SLC25A21: variants seen among roughly 807,000 people sequenced by gnomAD.
The protein encoded by SLC25A21 is solute carrier family 25 member 21.
SLC25A21 carries 47 observed loss-of-function variants against 43.8 expected under a neutral mutation model. The observed-to-expected ratio is 1.07, with a 90% CI of 0.85 to 1.37. SLC25A21 has a LOEUF of 1.37. Among genes scored for constraint, SLC25A21 ranks in the 40% most tolerant of loss-of-function variants. The probability of loss-of-function intolerance (pLI) is 0.00; values close to 1 mark genes in which losing one functional copy is unlikely to be tolerated. For missense variants in SLC25A21, 352 were observed against 350.2 expected, an observed-to-expected ratio of 1.00 and a Z score of -0.04; for synonymous variants, 131 against 121.3, an observed-to-expected ratio of 1.08 and a Z score of -0.52.
chr14:36,962,319 T>G (rs1055307855), intron 1 of SLC25A21, among the ~76,000 whole-genome samples: 1 of 152,166 alleles, frequency 6.6e-6, no homozygotes. Flanking sequence ...AGTTGCTTTT[T>G]TGTGTGAGAC....
intron 1 of SLC25A21, among the ~76,000 whole-genome samples, chr14:36,921,348 T>C (rs143519952): frequency 1.9e-3 from 290 of 152,262 alleles, no homozygotes; most frequent in African/African-American, 6.7e-3. Flanking sequence ...GAGCACTTTG[T>C]ACATAAAAGG....
intron 1 of SLC25A21, among the ~76,000 whole-genome samples, chr14:37,040,359 A>AAGAGAG (rs536517266): frequency 2.5e-5 from 1 of 40,130 alleles, no homozygotes; most frequent in Non-Finnish European, 3.8e-5. Context: ...GAAGGAAAGA[A>AAGAGAG]AGAGAGAGAG....
intron 1 of SLC25A21, among the ~76,000 whole-genome samples, chr14:36,919,778 C>T (rs1367034): frequency 0.11 from 16,245 of 151,940 alleles, 1,514 homozygotes; most frequent in African/African-American, 0.25. Context: ...AAGTTATACA[C>T]TCACTTGATT....
intron 3 of SLC25A21, among the ~76,000 whole-genome samples, chr14:36,752,321 C>A (rs1885739851): frequency 6.6e-6 from 1 of 152,142 alleles, no homozygotes; most frequent in Non-Finnish European, 1.5e-5. Flanking sequence ...GTGCAGCTGC[C>A]ATGGAAAACA....
intron 3 of SLC25A21, among the ~76,000 whole-genome samples, chr14:36,804,780 A>G (rs1447742728): frequency 6.6e-6 from 1 of 152,196 alleles, no homozygotes; most frequent in African/African-American, 2.4e-5. Flanking sequence ...GTTTTTTTCT[A>G]CAATAAGATA....
chr14:36,813,891 A>G lies in SLC25A21; in HGVS notation c.203+27T>C, dbSNP rs141377925. ...AAACATGTTAAGTAGAAACATATTA[A>G]AATGGCTATATGAAGAATATACATA... On this transcript the variant is annotated intron_variant, in intron 3 of 9. Transcript: ENST00000331299. 2.9e-5 allele frequency: 43 copies of G among 1,461,222 alleles called. No individual in the cohort carries two copies. The African/African-American group carries it at 5.6e-4, about 19-fold the overall frequency. The allele number at this position is 1,461,222 out of a possible 1,614,324, so 90.5% of individuals were successfully genotyped here. A position where few individuals can be genotyped will look rare whatever the true frequency, so the allele number is the denominator to read the frequency against.
intron 1 of SLC25A21, among the ~76,000 whole-genome samples, chr14:36,918,622 A>G (rs17105696): frequency 0.089 from 13,527 of 152,072 alleles, 994 homozygotes; most frequent in East Asian, 0.22. Flanking sequence ...TACTATCCAC[A>G]ATAATTGTGT....
chr14:36,896,958 G>A, intron 1 of SLC25A21, among the ~76,000 whole-genome samples: 1 of 152,070 alleles, frequency 6.6e-6, no homozygotes, highest in Non-Finnish European at 1.5e-5. Flanking sequence ...CTTTCTCTCT[G>A]GCTGCCCTTA....
At chr14:36,703,455 G>T (rs973974590) in intron 7 of SLC25A21, among the ~76,000 whole-genome samples, 1 of 152,178 alleles carries the variant, frequency 6.6e-6, no homozygotes, top group Non-Finnish European at 1.5e-5. Flanking sequence ...CACAGGGACA[G>T]GTCTAAATGG....
intron 3 of SLC25A21, among the ~76,000 whole-genome samples, chr14:36,813,482 C>T (rs961225160): frequency 2.0e-5 from 3 of 152,074 alleles, no homozygotes; most frequent in African/African-American, 2.4e-5. Context: ...ACCTAAGCCT[C>T]CCAAGCAGCT....
At chr14:37,016,869 C>G (rs183158987) in intron 1 of SLC25A21, among the ~76,000 whole-genome samples, 14 of 152,206 alleles carry the variant, frequency 9.2e-5, no homozygotes, top group Non-Finnish European at 1.3e-4. Flanking sequence ...GAACCAATCT[C>G]TGCTGGCTTC....
chr14:37,142,793 G>A (rs1005727990), intron 1 of SLC25A21, among the ~76,000 whole-genome samples: 2 of 152,316 alleles, frequency 1.3e-5, no homozygotes, highest in Non-Finnish European at 1.5e-5. Flanking sequence ...AGAATGAATT[G>A]TAAATTTTCT....
intron 1 of SLC25A21, among the ~76,000 whole-genome samples, chr14:36,985,892 T>G (rs1386334829): frequency 6.6e-6 from 1 of 152,196 alleles, no homozygotes; most frequent in Non-Finnish European, 1.5e-5. Context: ...ATGCTCAAAT[T>G]GTCCCAGATT....
rs527927960 is a variant in SLC25A21, at chr14:37,070,366, A to C, written c.70+101915T>G. Among the ~76,000 whole-genome samples the C allele has an allele frequency of 5.3e-5, 8 of 152,320 alleles. 1 individual carries two copies. The South Asian group carries it at 1.7e-3, about 32-fold the overall frequency. ...TTTTCAATCTGCATCACATCTTAGG[A>C]TAATGCACTCCACAAGTTTCTATTC... On this transcript the variant is annotated intron_variant, in intron 1 of 9. Coordinates refer to ENST00000331299, the MANE Select transcript of SLC25A21 (RefSeq NM_030631.4).
At chr14:36,950,959 G>A (rs561544734) in intron 1 of SLC25A21, among the ~76,000 whole-genome samples, 1 of 152,084 alleles carries the variant, frequency 6.6e-6, no homozygotes, top group African/African-American at 2.4e-5. Flanking sequence ...CTCCACAACT[G>A]CTCTCCAGGA....
chr14:37,135,767 A>G (rs1447330005), intron 1 of SLC25A21, among the ~76,000 whole-genome samples: 2 of 152,184 alleles, frequency 1.3e-5, no homozygotes, highest in African/African-American at 4.8e-5. Context: ...TCTGAAGCCA[A>G]ATTACCTCGG....
At chr14:36,768,961 C>CTAGCTA (rs1566593913) in intron 3 of SLC25A21, among the ~76,000 whole-genome samples, 1 of 149,830 alleles carries the variant, frequency 6.7e-6, no homozygotes, top group African/African-American at 2.5e-5. Flanking sequence ...AAACCTATAT[C>CTAGCTA]TATCTATATC....
At chr14:37,122,061 C>A (rs1232896887) in intron 1 of SLC25A21, among the ~76,000 whole-genome samples, 1 of 152,134 alleles carries the variant, frequency 6.6e-6, no homozygotes, top group East Asian at 1.9e-4. Context: ...TCTCCAGAAC[C>A]TTTAATATGC....
intron 3 of SLC25A21, among the ~76,000 whole-genome samples, chr14:36,788,980 G>A (rs535569197): frequency 6.6e-6 from 1 of 152,136 alleles, no homozygotes; most frequent in African/African-American, 2.4e-5. Context: ...CATTTTTACT[G>A]TGTCTGCAAC....
Sources: gnomAD v4.1 joint callset for allele counts (sites outside exome capture counted in the v4.1 genomes callset) on GRCh38, gnomAD v4.1.1 for gene constraint, MANE v1.5 for transcripts, NCBI Gene and HGNC (gene_info 2026-07-23, HGNC 2026-07-21) for gene names.